The following NCAM1 variants were observed in gnomAD, a reference collection of about 807,000 sequenced individuals.
The protein encoded by NCAM1 is antigen recognized by monoclonal antibody 5.1H11.
NCAM1 carries 14 observed loss-of-function variants against 109.8 expected under a neutral mutation model. The ratio of observed to expected loss-of-function variants is 0.13; its 90% CI spans 0.08 to 0.20. The LOEUF is 0.20. Among genes scored for constraint, NCAM1 ranks in the 10% least tolerant of loss-of-function variants. The pLI is 1.00. For missense variants in NCAM1, 774 were observed against 1,109.9 expected (o/e 0.70, Z 4.30); for synonymous variants, 418 against 442.9 (o/e 0.94, Z 0.70).
chr11:113,067,387 A>G (rs1938018254), intron 1 of NCAM1, among the ~76,000 whole-genome samples: 1 of 152,186 alleles, frequency 6.6e-6, no homozygotes, highest in Non-Finnish European at 1.5e-5. Context: ...AAAACCACAT[A>G]AGCAGACACG....
intron 8 of NCAM1, 127 bp downstream of exon 8, chr11:113,214,638 C>A: frequency 2.0e-6 from 2 of 1,022,012 alleles, no homozygotes; most frequent in South Asian, 1.7e-5. Flanking sequence ...ACAGCCAGAT[C>A]CCGGGGCCTC....
At chr11:113,185,679 A>G (rs76302153) in intron 1 of NCAM1, among the ~76,000 whole-genome samples, 283 of 152,356 alleles carry the variant, frequency 1.9e-3, no homozygotes, top group African/African-American at 6.4e-3. Flanking sequence ...GCAGAACAAC[A>G]TTAGAATGAT....
chr11:113,077,384 G>A (rs1938575376), intron 1 of NCAM1, among the ~76,000 whole-genome samples: 1 of 152,182 alleles, frequency 6.6e-6, no homozygotes, highest in African/African-American at 2.4e-5. Flanking sequence ...GCTTGGGTGA[G>A]TGCTTGACTT....
intron 1 of NCAM1, among the ~76,000 whole-genome samples, chr11:113,031,045 A>G (rs577388889): frequency 6.6e-6 from 1 of 152,214 alleles, no homozygotes; most frequent in Non-Finnish European, 1.5e-5. Flanking sequence ...ATAAGGGAAC[A>G]CTGAATTGTT....
intron 14 of NCAM1, among the ~76,000 whole-genome samples, chr11:113,237,941 T>TATATAG (rs1555118617): frequency 8.9e-4 from 19 of 21,452 alleles, no homozygotes; most frequent in East Asian, 6.5e-3. Flanking sequence ...TATATAGATA[T>TATATAG]ATATATAGAT....
At chr11:113,157,932 A>G (rs545824680) in intron 1 of NCAM1, among the ~76,000 whole-genome samples, 1 of 152,278 alleles carries the variant, frequency 6.6e-6, no homozygotes, top group East Asian at 1.9e-4. Flanking sequence ...GAATATTTTA[A>G]TAGCCGTCAA....
chr11:113,247,669 G>A (rs1391455845), intron 15 of NCAM1, among the ~76,000 whole-genome samples: 2 of 152,164 alleles, frequency 1.3e-5, no homozygotes, highest in African/African-American at 4.8e-5. Context: ...GCGATATTGG[G>A]TATGTACATT....
chr11:113,133,379 A>T (rs782400440), intron 1 of NCAM1: 3 of 152,134 alleles, frequency 2.0e-5, no homozygotes, highest in Non-Finnish European at 4.4e-5. Flanking sequence ...TTTGCTTTCC[A>T]ACCTGATGAT....
At chr11:113,011,208 C>T (rs1337105430) in intron 1 of NCAM1, among the ~76,000 whole-genome samples, 4 of 142,194 alleles carry the variant, frequency 2.8e-5, no homozygotes, top group Non-Finnish European at 4.5e-5. Context: ...TGAGAATATG[C>T]GGTGTTTGGT....
chr11:113,057,808 T>C (rs1165171376), intron 1 of NCAM1, among the ~76,000 whole-genome samples: 9 of 152,190 alleles, frequency 5.9e-5, no homozygotes, highest in Non-Finnish European at 7.3e-5. Flanking sequence ...TATGAACATG[T>C]TGGATTTGAG....
Position 112,961,636 on chromosome 11 carries a change from C to G in NCAM1, c.24C>G (p.Ile8Met), listed in dbSNP as rs6589347. The change falls in exon 1 of 20, where the codon ATC becomes ATG. Residue 8 changes from isoleucine to methionine, a missense_variant. This residue lies in a region of NCAM1 where 112 missense variants were observed against 142.0 expected (regional missense o/e 0.79). Coordinates refer to ENST00000316851, the MANE Select transcript of NCAM1 (RefSeq NM_181351.5). MLQTKDL[I>M]WTLFFLGTAV... is the part of the protein sequence containing the mutation. The stretch of plus-strand genomic sequence containing the variant: ...CAATGCTGCAAACTAAGGATCTCAT[C>G]TGGACTTTGTTTTTCCTGGGAACTG... The G allele has an allele frequency of 2.0e-6, 3 of 1,501,016 alleles. No homozygotes were observed. In the African/African-American group the frequency reaches 4.2e-5, roughly 21 times the overall value. The allele number at this position is 1,501,016 out of a possible 1,614,324, so 93.0% of individuals were successfully genotyped here. A position where few individuals can be genotyped will look rare whatever the true frequency, so the allele number is the denominator to read the frequency against.
chr11:113,155,175 T>C (rs1591372137), intron 1 of NCAM1, among the ~76,000 whole-genome samples: 1 of 152,218 alleles, frequency 6.6e-6, no homozygotes, highest in African/African-American at 2.4e-5. Context: ...ACTGGAAGAA[T>C]TGAAAATGGT....
chr11:112,990,188 A>G (rs964838014), intron 1 of NCAM1, among the ~76,000 whole-genome samples: 1 of 152,206 alleles, frequency 6.6e-6, no homozygotes, highest in Non-Finnish European at 1.5e-5. Context: ...CAGTCTGTAG[A>G]GAGCAGGCTT....
intron 1 of NCAM1, among the ~76,000 whole-genome samples, chr11:113,190,457 A>G (rs1943642885): frequency 6.6e-6 from 1 of 152,066 alleles, no homozygotes; most frequent in African/African-American, 2.4e-5. Context: ...ATGTGCCAGC[A>G]CCGCCCCACG....
intron 1 of NCAM1, among the ~76,000 whole-genome samples, chr11:113,109,585 G>A (rs1940347408): frequency 6.6e-6 from 1 of 152,150 alleles, no homozygotes; most frequent in South Asian, 2.1e-4. Context: ...CTGGGGACAG[G>A]GAGATTACAC....
intron 1 of NCAM1, among the ~76,000 whole-genome samples, chr11:113,042,323 C>T (rs959216130): frequency 3.9e-5 from 6 of 152,180 alleles, no homozygotes; most frequent in African/African-American, 1.4e-4. Flanking sequence ...CCATGTCCTC[C>T]CAGACACCGA....
At chr11:112,972,208 T>C (rs558195743) in intron 1 of NCAM1, among the ~76,000 whole-genome samples, 1 of 152,260 alleles carries the variant, frequency 6.6e-6, no homozygotes, top group Admixed American at 6.5e-5. Context: ...TAAGTATGTG[T>C]GTTCCCTGTT....
intron 1 of NCAM1, among the ~76,000 whole-genome samples, chr11:113,053,668 CT>C (rs1472154558): frequency 6.6e-6 from 1 of 152,148 alleles, no homozygotes; most frequent in East Asian, 1.9e-4. Context: ...ATTTTCTAAA[CT>C]TTTCCCAGTA....
In NCAM1 at chr11:113,165,817, A is replaced by ATT. The variant is rs5794848; in HGVS notation, c.53-36550_53-36549dup. Among the ~76,000 whole-genome samples the ATT allele has an allele frequency of 5.3e-3, 774 of 145,216 alleles. 6 individuals carry two copies. Among genetic ancestry groups the ATT allele is most frequent in the Middle Eastern group, 0.014 (4 of 284 alleles). On this transcript the variant is annotated intron_variant, in intron 1 of 19. Transcript: ENST00000316851. The stretch of plus-strand genomic sequence containing the variant: ...TGCTCCTAAATAGCAAAACCGACTG[A>ATT]TTTTTTTTTTTTTGAAATGGAGTCT...
Sources: gnomAD v4.1 joint callset for allele counts (sites outside exome capture counted in the v4.1 genomes callset) on GRCh38, gnomAD v4.1.1 for gene constraint, gnomAD v4.1.1 regional missense constraint, MANE v1.5 for transcripts, NCBI Gene and HGNC (gene_info 2026-07-23, HGNC 2026-07-21) for gene names.